The following TRPC6 variants were observed in gnomAD, a reference collection of about 807,000 sequenced individuals.
TRPC6 encodes short transient receptor potential channel 6.
In TRPC6, 55 loss-of-function variants were observed where a neutral mutation model predicts 90.7. The observed-to-expected ratio is 0.61, with a 90% confidence interval of 0.49 to 0.76. The LOEUF is 0.76. Among genes scored for constraint, TRPC6 ranks in the 30% least tolerant of loss-of-function variants. The pLI is 0.00. For synonymous variants in TRPC6, 393 were observed against 393.0 expected, an observed-to-expected ratio of 1.00 and a Z score of 0.00; for missense variants, 989 against 1,122.7, an observed-to-expected ratio of 0.88 and a Z score of 1.70.
At chr11:101,512,682 G>A (rs1224197441) in intron 1 of TRPC6, among the ~76,000 whole-genome samples, 3 of 152,134 alleles carry the variant, frequency 2.0e-5, no homozygotes, top group Admixed American at 6.5e-5. Context: ...ATCTGAACTT[G>A]AGAAAACTTT....
At chr11:101,456,022 A>AT (rs1014247674) in intron 10 of TRPC6, among the ~76,000 whole-genome samples, 1 of 152,054 alleles carries the variant, frequency 6.6e-6, no homozygotes, top group Admixed American at 6.6e-5. Flanking sequence ...AAATAGCATC[A>AT]TTTTTCATGT....
intron 10 of TRPC6, among the ~76,000 whole-genome samples, chr11:101,464,462 A>G (rs1360581848): frequency 6.6e-6 from 1 of 152,104 alleles, no homozygotes; most frequent in Non-Finnish European, 1.5e-5. Context: ...TGGTTTATGA[A>G]TCTGGGTGCT....
chr11:101,507,916 T>A (rs779646855), intron 1 of TRPC6, among the ~76,000 whole-genome samples: 6 of 152,172 alleles, frequency 3.9e-5, no homozygotes, highest in Non-Finnish European at 7.3e-5. Flanking sequence ...TTCTTTTTGA[T>A]GTTGGACATC....
In TRPC6 at chr11:101,483,601, G is replaced by T. The variant is rs554424389; in HGVS notation, c.1294-436C>A. Among the ~76,000 whole-genome samples, 3 of 152,216 alleles carry T rather than the reference G, an allele frequency of 2.0e-5. No individual in the cohort carries two copies. The South Asian group carries it at 6.2e-4, about 32-fold the overall frequency. ...TGTCCTCACATATACTTCATTGACA[G>T]GCATGCAATTCAGGCCTGAGTGGAT... On this transcript the variant is annotated intron_variant, in intron 4 of 12. Coordinates refer to ENST00000344327, the MANE Select transcript of TRPC6 (RefSeq NM_004621.6).
intron 1 of TRPC6, among the ~76,000 whole-genome samples, chr11:101,530,160 T>C (rs1449988519): frequency 6.6e-6 from 1 of 151,922 alleles, no homozygotes; most frequent in Non-Finnish European, 1.5e-5. Context: ...ATCTGTGCCC[T>C]GGGAAGTAGG....
intron 9 of TRPC6, among the ~76,000 whole-genome samples, chr11:101,470,289 T>C (rs1859257789): frequency 6.6e-6 from 1 of 152,198 alleles, no homozygotes; most frequent in South Asian, 2.1e-4. Flanking sequence ...TTGCTTTTCT[T>C]CCCATTTTTG....
intron 1 of TRPC6, among the ~76,000 whole-genome samples, chr11:101,528,767 C>A (rs1860843711): frequency 6.6e-6 from 1 of 152,058 alleles, no homozygotes; most frequent in South Asian, 2.1e-4. Flanking sequence ...AATAAAAATT[C>A]ATTGGGCCAA....
intron 9 of TRPC6, among the ~76,000 whole-genome samples, chr11:101,470,845 G>A (rs1199290259): frequency 1.6e-5 from 2 of 128,438 alleles, no homozygotes; most frequent in Non-Finnish European, 3.2e-5. Flanking sequence ...AGCTGCTGCC[G>A]ATTTACTGGG....
chr11:101,525,622 G>A (rs1318315261), intron 1 of TRPC6, among the ~76,000 whole-genome samples: 3 of 152,196 alleles, frequency 2.0e-5, no homozygotes, highest in Admixed American at 6.5e-5. Flanking sequence ...GAAGTTAAGA[G>A]AGAACGTAAC....
chr11:101,476,605 G>T, intron 5 of TRPC6, 71 bp from the exon 6 acceptor site: 1 of 1,375,140 alleles, frequency 7.3e-7, no homozygotes, highest in Non-Finnish European at 1.0e-6. Flanking sequence ...AACAAAATAT[G>T]TTTGAAAGGT....
intron 1 of TRPC6, among the ~76,000 whole-genome samples, chr11:101,506,841 C>T (rs1860279912): frequency 6.6e-6 from 1 of 151,894 alleles, no homozygotes; most frequent in Non-Finnish European, 1.5e-5. Context: ...TCTTGATCTC[C>T]AGAGGTGATA....
At chr11:101,486,587 G>T (rs1270042005) in intron 4 of TRPC6, among the ~76,000 whole-genome samples, 1 of 152,052 alleles carries the variant, frequency 6.6e-6, no homozygotes, top group African/African-American at 2.4e-5. Flanking sequence ...TTGATATTTG[G>T]ATTACAGTAG....
Position 101,583,573 on chromosome 11 carries a change from G to A in TRPC6, c.-70C>T. 3 of 1,390,884 alleles carry A rather than the reference G, an allele frequency of 2.2e-6. No homozygotes were observed. Among genetic ancestry groups the A allele is most frequent in the Non-Finnish European group, 2.8e-6 (3 of 1,075,176 alleles). 86.2% of individuals were successfully genotyped at this position (1,390,884 alleles called of 1,614,324 possible). A position where few individuals can be genotyped will look rare whatever the true frequency, so the allele number is the denominator to read the frequency against. ...GAGTGGGCAGTTCCAGCGGGGACCC[G>A]GTGCGGAGGGTTCGCGTCAGCGGCC... On this transcript the variant is annotated 5_prime_UTR_variant, in exon 1 of 13. Transcript: ENST00000344327.
At chr11:101,534,231 G>A (rs1469682694) in intron 1 of TRPC6, among the ~76,000 whole-genome samples, 3 of 152,074 alleles carry the variant, frequency 2.0e-5, no homozygotes, top group African/African-American at 7.2e-5. Flanking sequence ...TGCCTCCCTG[G>A]TTCAAGAGAT....
chr11:101,583,248 C>CGCGG (rs949348805), intron 1 of TRPC6, 86 bp downstream of exon 1: 9 of 1,494,004 alleles, frequency 6.0e-6, no homozygotes, highest in Non-Finnish European at 8.0e-6. Flanking sequence ...TCAGGACGCG[C>CGCGG]GCGGACGGAC....
At chr11:101,553,349 T>C (rs1379855622) in intron 1 of TRPC6, among the ~76,000 whole-genome samples, 1 of 152,108 alleles carries the variant, frequency 6.6e-6, no homozygotes, top group African/African-American at 2.4e-5. Context: ...TGTTTCCTCC[T>C]GACTAGGCTT....
At chr11:101,464,355 C>T (rs552381778) in intron 10 of TRPC6, among the ~76,000 whole-genome samples, 1 of 152,052 alleles carries the variant, frequency 6.6e-6, no homozygotes, top group African/African-American at 2.4e-5. Flanking sequence ...CTTTAATTTT[C>T]TGTCTTGTTG....
intron 1 of TRPC6, among the ~76,000 whole-genome samples, chr11:101,511,680 A>G (rs1860396987): frequency 6.6e-6 from 1 of 152,086 alleles, no homozygotes; most frequent in African/African-American, 2.4e-5. Context: ...CCAGAAGCAG[A>G]GATTTTCTTG....
intron 1 of TRPC6, among the ~76,000 whole-genome samples, chr11:101,568,658 C>T (rs779969794): frequency 7.2e-5 from 11 of 152,158 alleles, no homozygotes; most frequent in Non-Finnish European, 1.2e-4. Flanking sequence ...AGACTAACAG[C>T]GAATCTCTTG....
Sources: allele counts gnomAD v4.1 joint callset (sites outside exome capture counted in the v4.1 genomes callset), GRCh38; gene constraint gnomAD v4.1.1; transcripts MANE v1.5; gene names NCBI Gene and HGNC (gene_info 2026-07-23, HGNC 2026-07-21).